Variants in OARD1 observed in about 807,000 individuals in gnomAD.
OARD1 encodes the protein ADP-ribose glycohydrolase OARD1.
A neutral mutation model predicts 19.7 loss-of-function variants in OARD1; 19 were observed. The ratio of observed to expected loss-of-function variants is 0.96; its 90% confidence interval spans 0.67 to 1.41. The LOEUF (loss-of-function observed/expected upper bound fraction) is 1.41. Among genes scored for constraint, OARD1 ranks in the 40% most tolerant of loss-of-function variants. The pLI, the probability that OARD1 is intolerant of heterozygous loss-of-function variation, is 0.00. For synonymous variants in OARD1, 70 were observed against 61.8 expected, an observed-to-expected ratio of 1.13 and a Z score of -0.62; for missense variants, 190 against 183.8, an observed-to-expected ratio of 1.03 and a Z score of -0.20.
intron 1 of OARD1, among the ~76,000 whole-genome samples, chr6:41,081,637 A>G (rs1163350449): frequency 6.6e-6 from 1 of 152,232 alleles, no homozygotes; most frequent in Non-Finnish European, 1.5e-5. Context: ...CTTTATTTTT[A>G]TTCAAGGGGC....
At chr6:41,080,604 C>CA (rs1428246961) in intron 1 of OARD1, among the ~76,000 whole-genome samples, 15 of 152,102 alleles carry the variant, frequency 9.9e-5, no homozygotes, top group African/African-American at 3.6e-4. Context: ...GTTTTTGAGT[C>CA]AAATTTTTGA....
chr6:41,076,776 T>G (rs981638464), upstream of OARD1, among the ~76,000 whole-genome samples: 12 of 152,216 alleles, frequency 7.9e-5, no homozygotes, highest in African/African-American at 2.9e-4. Flanking sequence ...AAAGAGGCAC[T>G]TTGGGAAAGA....
At chr6:41,084,833 G>A (rs552575658) in intron 1 of OARD1, among the ~76,000 whole-genome samples, 3 of 152,192 alleles carry the variant, frequency 2.0e-5, no homozygotes, top group East Asian at 1.9e-4. Context: ...GTGGTGGCAC[G>A]CACCTGTAAT....
At chr6:41,097,417 G>A (rs1183880008) in intron 1 of OARD1, 13 of 1,613,502 alleles carry the variant, frequency 8.1e-6, no homozygotes, top group African/African-American at 2.7e-5. Flanking sequence ...CTAACCCCAC[G>A]CCATGTGATG....
rs1006778381 is a variant in OARD1, at chr6:41,064,916, T to C, written c.*2419A>G. The C allele has an allele frequency of 6.6e-6, 1 of 152,182 alleles. No homozygotes were observed. 9.4% of individuals were successfully genotyped at this position (152,182 alleles called of 1,614,324 possible). ...AGGATGATGTCAAGTCTCTCTTTTT[T>C]TTTTTTTAAAGGTTTGTTTGAGTCC... On this transcript the variant is annotated 3_prime_UTR_variant, in exon 6 of 6. Coordinates refer to ENST00000424266, the MANE Select transcript of OARD1 (RefSeq NM_001329686.2).
chr6:41,094,276 T>C, intron 1 of OARD1: 1 of 752,990 alleles, frequency 1.3e-6, no homozygotes, highest in East Asian at 2.7e-5. Context: ...TAAGTCATAA[T>C]TGTCCCTTGT....
chr6:41,083,944 C>T (rs1289249193), intron 1 of OARD1: 2 of 1,159,428 alleles, frequency 1.7e-6, no homozygotes, highest in Non-Finnish European at 2.3e-6. Context: ...TCTACCTTTT[C>T]CTTTTCTAGC....
intron 1 of OARD1, chr6:41,084,188 A>C: frequency 6.2e-7 from 1 of 1,613,858 alleles, no homozygotes; most frequent in Non-Finnish European, 8.5e-7. Flanking sequence ...CAGGGTTTGC[A>C]GCAAGTGAGT....
At chr6:41,089,562 T>TA in intron 1 of OARD1, 1 of 1,596,022 alleles carries the variant, frequency 6.3e-7, no homozygotes, top group Non-Finnish European at 8.5e-7. Flanking sequence ...ATCCTTTTTT[T>TA]ATGTTCTTTT....
chr6:41,068,178 T>C (rs1370117314), intron 5 of OARD1, among the ~76,000 whole-genome samples: 1 of 152,030 alleles, frequency 6.6e-6, no homozygotes, highest in East Asian at 1.9e-4. Context: ...TGCAAAGTAA[T>C]GTGGGGCGCA....
chr6:41,083,031 TTTCA>T (rs1297604156), intron 1 of OARD1, among the ~76,000 whole-genome samples: 2 of 152,248 alleles, frequency 1.3e-5, no homozygotes, highest in Non-Finnish European at 2.9e-5. Flanking sequence ...TTGCACATAC[TTTCA>T]TTAAGTGTGA....
chr6:41,071,336 T>C, intron 2 of OARD1, 60 bp from the exon 3 acceptor site: 3 of 1,526,524 alleles, frequency 2.0e-6, no homozygotes, highest in Non-Finnish European at 2.7e-6. Flanking sequence ...TACTAAGCTA[T>C]TTTTCTGTAT....
intron 1 of OARD1, chr6:41,091,757 C>T: frequency 6.4e-6 from 10 of 1,570,830 alleles, no homozygotes; most frequent in Non-Finnish European, 8.7e-6. Context: ...CTTGATGCCT[C>T]CTAAAATTTA....
In OARD1 at chr6:41,094,502, G is replaced by A. The variant is rs752707864; in HGVS notation, c.-42+3211C>T. ...AAGGATAGTCCCCATATGCAGGTAGGAAGACATATACATTTTATTCTTCTC... is the reference window on the plus strand; with the variant it reads ...AAGGATAGTCCCCATATGCAGGTAGAAAGACATATACATTTTATTCTTCTC... On this transcript the variant is annotated intron_variant, in intron 1 of 4. Coordinates refer to the OARD1 transcript ENST00000480585. The A allele has an allele frequency of 3.1e-6, 5 of 1,606,926 alleles. No individual in the cohort carries two copies. In the East Asian group the frequency reaches 1.1e-4, roughly 36 times the overall value.
In OARD1 at chr6:41,070,150, T is replaced by TTTCTTTTC; in HGVS notation, c.185-17_185-16insGAAAAGAA. 1 of 1,391,026 alleles carries TTTCTTTTC rather than the reference T, an allele frequency of 7.2e-7. No individual in the cohort carries two copies. The highest frequency in any genetic ancestry group is 1.0e-6 in the Non-Finnish European group (1 of 988,208). The allele number at this position is 1,391,026 out of a possible 1,614,324, so 86.2% of individuals were successfully genotyped here. Reference sequence around the variant, plus strand: ...GATTTCTTTTCTAAGAAAAAGTTATTTAATAGTAGAAATGAAAAAGAAAAC... The same window carrying TTTCTTTTC: ...GATTTCTTTTCTAAGAAAAAGTTATTTTCTTTTCTAATAGTAGAAATGAAAAAGAAAAC... On this transcript the variant is annotated splice_polypyrimidine_tract_variant and intron_variant, in intron 3 of 5. Coordinates refer to ENST00000424266, the MANE Select transcript of OARD1 (RefSeq NM_001329686.2).
chr6:41,075,890 C>G (rs1376881502), upstream of OARD1, among the ~76,000 whole-genome samples: 1 of 152,150 alleles, frequency 6.6e-6, no homozygotes, highest in South Asian at 2.1e-4. Flanking sequence ...TCAGAGATTT[C>G]TTTTTATTTT....
chr6:41,082,136 C>G (rs2113797249), intron 1 of OARD1, among the ~76,000 whole-genome samples: 1 of 152,278 alleles, frequency 6.6e-6, no homozygotes, highest in African/African-American at 2.4e-5. Context: ...GCTAAGCATC[C>G]AGCAGATAAC....
Position 41,070,114 on chromosome 6 carries a change from C to T in OARD1, c.205G>A (p.Ala69Thr), listed in dbSNP as rs1403563572. Residue 69 changes from alanine to threonine, a missense_variant, in exon 4 of 6, where the codon GCT becomes ACT. Coordinates refer to ENST00000424266, the MANE Select transcript of OARD1 (RefSeq NM_001329686.2). ...TATCGCCCATCTCTCTTCAGAACAG[C>T]CACTTCTCCAGATTTCTTTTCTAAG... ...LNQQKKSGEV[A>T]VLKRDGRYIY... 1 of 1,583,570 alleles carries T rather than the reference C, an allele frequency of 6.3e-7. No individual in the cohort carries two copies. The highest frequency in any genetic ancestry group is 8.7e-7 in the Non-Finnish European group (1 of 1,155,470).
At chr6:41,087,537 T>C (rs1764080560) in intron 1 of OARD1, among the ~76,000 whole-genome samples, 1 of 152,214 alleles carries the variant, frequency 6.6e-6, no homozygotes, top group Non-Finnish European at 1.5e-5. Flanking sequence ...GCCATCTATG[T>C]TGAAGCAATG....
Sources: allele counts gnomAD v4.1 joint callset (sites outside exome capture counted in the v4.1 genomes callset), GRCh38; gene constraint gnomAD v4.1.1; transcripts MANE v1.5; gene names NCBI Gene and HGNC (gene_info 2026-07-23, HGNC 2026-07-21).